SLC26A7: variants seen among roughly 807,000 people sequenced by gnomAD.
SLC26A7 encodes anion exchange transporter.
In SLC26A7, 59 loss-of-function variants were observed where a neutral mutation model predicts 82.5. The observed-to-expected ratio is 0.72, with a 90% CI of 0.58 to 0.89. The LOEUF is 0.89. Among genes scored for constraint, SLC26A7 ranks in the 40% least tolerant of loss-of-function variants. The pLI is 0.00. For missense variants in SLC26A7, 820 were observed against 793.0 expected (o/e 1.03, Z -0.41); for synonymous variants, 271 against 274.3 (o/e 0.99, Z 0.12).
intron 6 of SLC26A7, among the ~76,000 whole-genome samples, chr8:91,336,542 A>G (rs1813247638): frequency 6.6e-6 from 1 of 151,804 alleles, no homozygotes; most frequent in Non-Finnish European, 1.5e-5. Flanking sequence ...GTTCGTGAAA[A>G]AATTGTCTTC....
At chr8:91,277,318 G>T (rs780549314) in intron 2 of SLC26A7, among the ~76,000 whole-genome samples, 2 of 152,202 alleles carry the variant, frequency 1.3e-5, no homozygotes, top group African/African-American at 4.8e-5. Flanking sequence ...TTGGTAATTC[G>T]TGCATAAAAC....
rs189909400 is a variant in SLC26A7, at chr8:91,313,653, A to G, written c.478-4563A>G. On this transcript the variant is annotated intron_variant, in intron 4 of 18. Transcript: ENST00000276609. ...ATCATTCTTCTTCATGGTCCTGGTTAACAGTCCCCTTTCCCAACATCATCA... is the reference window on the plus strand; with the variant it reads ...ATCATTCTTCTTCATGGTCCTGGTTGACAGTCCCCTTTCCCAACATCATCA... 6.3e-4 allele frequency among the ~76,000 whole-genome samples: 96 copies of G among 152,284 alleles called. 1 individual carries two copies. Among genetic ancestry groups the G allele is most frequent in the African/African-American group, 2.3e-3 (94 of 41,562 alleles).
chr8:91,294,876 T>A (rs918113452), intron 3 of SLC26A7, among the ~76,000 whole-genome samples: 2 of 152,200 alleles, frequency 1.3e-5, no homozygotes, highest in Admixed American at 6.5e-5. Context: ...GGCCACAATA[T>A]GTTGTTATAC....
intron 2 of SLC26A7, among the ~76,000 whole-genome samples, chr8:91,281,884 C>T (rs1811583908): frequency 1.3e-5 from 2 of 152,084 alleles, no homozygotes; most frequent in Non-Finnish European, 2.9e-5. Context: ...ACCTTTTCAG[C>T]TGTTTATTGA....
At chr8:91,265,774 C>T (rs959315032) in intron 2 of SLC26A7, among the ~76,000 whole-genome samples, 10 of 151,626 alleles carry the variant, frequency 6.6e-5, no homozygotes, top group African/African-American at 9.7e-5. Flanking sequence ...TGTGCGCACG[C>T]GCCTTTCTAG....
chr8:91,221,378 T>G (rs1271700711), intron 2 of SLC26A7, among the ~76,000 whole-genome samples: 1 of 152,238 alleles, frequency 6.6e-6, no homozygotes, highest in African/African-American at 2.4e-5. Context: ...TTTAGTTTAA[T>G]TAGATCCTGT....
chr8:91,358,638 A>G (rs905383975), intron 11 of SLC26A7, among the ~76,000 whole-genome samples: 2 of 152,018 alleles, frequency 1.3e-5, no homozygotes, highest in African/African-American at 4.8e-5. Flanking sequence ...CCGCACACAT[A>G]TGTTTGTTGC....
At chr8:91,318,402 A>G in intron 5 of SLC26A7, 22 bp downstream of exon 5, 1 of 1,565,186 alleles carries the variant, frequency 6.4e-7, no homozygotes, top group South Asian at 1.2e-5. Context: ...GTATGCTTTC[A>G]TACATATCTT....
intron 2 of SLC26A7, among the ~76,000 whole-genome samples, chr8:91,258,118 G>A (rs761277844): frequency 6.6e-6 from 1 of 152,002 alleles, no homozygotes; most frequent in Non-Finnish European, 1.5e-5. Flanking sequence ...GGATTATGGG[G>A]ATTACAATTA....
intron 2 of SLC26A7, among the ~76,000 whole-genome samples, chr8:91,265,766 T>C (rs1335862587): frequency 6.6e-6 from 1 of 152,020 alleles, no homozygotes; most frequent in East Asian, 1.9e-4. Flanking sequence ...GGTGTGTGTG[T>C]GCGCACGCGC....
intron 3 of SLC26A7, among the ~76,000 whole-genome samples, chr8:91,291,286 C>A (rs1341545992): frequency 6.6e-6 from 1 of 152,150 alleles, no homozygotes. Context: ...GCATGGATTG[C>A]AACCCAGGTG....
intron 4 of SLC26A7, among the ~76,000 whole-genome samples, chr8:91,298,666 T>C (rs1170858810): frequency 6.6e-6 from 1 of 152,160 alleles, no homozygotes; most frequent in Non-Finnish European, 1.5e-5. Context: ...GTAATAATGA[T>C]TTTAAAATAT....
At chr8:91,231,118 A>G (rs1040443599) in intron 2 of SLC26A7, among the ~76,000 whole-genome samples, 16 of 152,172 alleles carry the variant, frequency 1.1e-4, no homozygotes, top group African/African-American at 3.9e-4. Flanking sequence ...GGGGGCCTGG[A>G]TATGGTAGAA....
At chr8:91,227,424 A>G (rs1301690872) in intron 2 of SLC26A7, among the ~76,000 whole-genome samples, 1 of 152,176 alleles carries the variant, frequency 6.6e-6, no homozygotes, top group African/African-American at 2.4e-5. Context: ...AAACAGAAGA[A>G]TATATATTAT....
chr8:91,336,710 T>C (rs966107672), intron 6 of SLC26A7, among the ~76,000 whole-genome samples: 7 of 152,144 alleles, frequency 4.6e-5, no homozygotes, highest in Non-Finnish European at 8.8e-5. Context: ...ATTACTCAAC[T>C]GATAAGGAAA....
intron 11 of SLC26A7, chr8:91,357,155 T>A (rs1394770156): frequency 6.6e-6 from 1 of 152,206 alleles, no homozygotes; most frequent in African/African-American, 2.4e-5. Context: ...GTAGCCCATG[T>A]TTGACCTTAG....
At chr8:91,285,358 G>A (rs149946464) in intron 2 of SLC26A7, among the ~76,000 whole-genome samples, 9 of 152,318 alleles carry the variant, frequency 5.9e-5, no homozygotes, top group South Asian at 2.1e-4. Context: ...GCGTTCACAC[G>A]CCTTCATTGT....
intron 1 of SLC26A7, among the ~76,000 whole-genome samples, chr8:91,217,616 T>G (rs759992411): frequency 6.6e-6 from 1 of 152,130 alleles, no homozygotes; most frequent in Non-Finnish European, 1.5e-5. Context: ...GGTCATATAT[T>G]GAGCCAGGGA....
In SLC26A7 at chr8:91,317,561, C is replaced by T. The variant is rs181633648; in HGVS notation, c.478-655C>T. Among the ~76,000 whole-genome samples, 241 of 152,286 alleles carry T rather than the reference C, an allele frequency of 1.6e-3. 1 individual carries two copies. Among genetic ancestry groups the T allele is most frequent in the Non-Finnish European group, 2.7e-3 (181 of 68,030 alleles). On this transcript the variant is annotated intron_variant, in intron 4 of 18. Transcript: ENST00000276609. The stretch of plus-strand genomic sequence containing the variant: ...TATGATTTTTCACAAAATAAATTTA[C>T]AACCTCTGGCATAAATGGGTTACTT...
Sources: allele counts gnomAD v4.1 joint callset (sites outside exome capture counted in the v4.1 genomes callset), GRCh38; gene constraint gnomAD v4.1.1; transcripts MANE v1.5; gene names NCBI Gene and HGNC (gene_info 2026-07-23, HGNC 2026-07-21).